The following CLIC2 variants were observed in gnomAD, a reference collection of about 807,000 sequenced individuals.
The protein encoded by CLIC2 is CLIC family member 2.
CLIC2 carries 9 observed loss-of-function variants against 14.8 expected under a neutral mutation model. That is an observed-to-expected ratio of 0.61 (90% CI 0.37 to 1.06). The LOEUF is 1.06. CLIC2 is among the 50% of genes least tolerant of loss of function. CLIC2 has a pLI of 0.01. For missense variants in CLIC2, 148 were observed against 181.4 expected (o/e 0.82, Z 1.06); for synonymous variants, 61 against 66.3 (o/e 0.92, Z 0.39).
At chrX:155,319,144 G>A (rs1557321327) in intron 1 of CLIC2, among the ~76,000 whole-genome samples, 1 of 111,936 alleles carries the variant, frequency 8.9e-6, no homozygotes, top group Non-Finnish European at 1.9e-5. Flanking sequence ...CTAGACATTG[G>A]TTTAGGCAAA....
Position 155,299,091 on chromosome X carries a change from T to C in CLIC2, c.112A>G (p.Met38Val). Residue 38 changes from methionine to valine, a missense_variant, in exon 2 of 6, where the codon ATG becomes GTG. Physicochemically the swap from Met to Val is conservative, Grantham distance 21. Coordinates refer to ENST00000369449, the MANE Select transcript of CLIC2 (RefSeq NM_001289.6). ...TTAACTCCTTTAAGCCAGAGGATCA[T>C]GAAAAGGCGTTGGCAAAAGGGACAG... is the stretch of plus-strand genomic sequence containing the variant. ...GNCPFCQRLF[M>V]ILWLKGVKFN... The C allele has an allele frequency of 8.3e-7, 1 of 1,210,826 alleles. No individual in the cohort carries two copies. The highest frequency in any genetic ancestry group is 1.1e-6 in the Non-Finnish European group (1 of 894,713).
At chrX:155,334,315 T>C (rs2075166782) in intron 1 of CLIC2, 56 bp downstream of exon 1, 2 of 931,283 alleles carry the variant, frequency 2.1e-6, no homozygotes, top group Non-Finnish European at 3.1e-6. Context: ...GACATTGGAC[T>C]TCAGTGTCAA....
chrX:155,324,210 A>C (rs1276836967), intron 1 of CLIC2, among the ~76,000 whole-genome samples: 1 of 112,505 alleles, frequency 8.9e-6, no homozygotes, highest in Non-Finnish European at 1.9e-5. Context: ...CTAAAACTTA[A>C]AGTATAATAA....
chrX:155,300,752 G>A lies in CLIC2; in HGVS notation c.58-1607C>T, dbSNP rs1184549102. 9.5e-3 allele frequency among the ~76,000 whole-genome samples: 900 copies of A among 94,322 alleles called. 3 individuals are homozygous for A. Among genetic ancestry groups the A allele is most frequent in the Non-Finnish European group, 0.016 (734 of 45,898 alleles). 81.9% of individuals were successfully genotyped at this position (94,322 alleles called of 115,157 possible). On this transcript the variant is annotated intron_variant, in intron 1 of 5. Coordinates refer to ENST00000369449, the MANE Select transcript of CLIC2 (RefSeq NM_001289.6). Reference sequence around the variant, plus strand: ...TTTAATCCATCTTGAATTGATTTTTGTATAAGGTGTAAGGAAGGGATCCAG... The same window carrying A: ...TTTAATCCATCTTGAATTGATTTTTATATAAGGTGTAAGGAAGGGATCCAG...
rs187111602 is a variant in CLIC2, at chrX:155,294,928, T to G, written c.293+3857A>C. 1.1e-4 allele frequency among the ~76,000 whole-genome samples: 12 copies of G among 111,523 alleles called. No individual in the cohort carries two copies. In the East Asian group the frequency reaches 2.2e-3, roughly 21 times the overall value. On this transcript the variant is annotated intron_variant, in intron 3 of 5. Coordinates refer to ENST00000369449, the MANE Select transcript of CLIC2 (RefSeq NM_001289.6). Reference sequence around the variant, plus strand: ...AAAGCACAGGACTGGACAAATTCACTGACAAATTCTACCAGAAGAACTAAT... The same window carrying G: ...AAAGCACAGGACTGGACAAATTCACGGACAAATTCTACCAGAAGAACTAAT...
intron 3 of CLIC2, among the ~76,000 whole-genome samples, chrX:155,284,793 C>T (rs901189062): frequency 8.9e-6 from 1 of 111,922 alleles, no homozygotes; most frequent in Non-Finnish European, 1.9e-5. Flanking sequence ...AAAATAAGGT[C>T]AATATCGCTT....
chrX:155,279,432 T>C, intron 4 of CLIC2, 102 bp from the exon 5 acceptor site: 1 of 593,757 alleles, frequency 1.7e-6, no homozygotes, highest in East Asian at 3.4e-5. Context: ...TATCTATACA[T>C]ACTACTTACA....
Position 155,305,039 on chromosome X carries a change from C to T in CLIC2, c.58-5894G>A, listed in dbSNP as rs781906536. Among the ~76,000 whole-genome samples the T allele has an allele frequency of 9.0e-4, 101 of 112,008 alleles. No homozygotes were observed. In the South Asian group the frequency reaches 0.022, roughly 24 times the overall value. On this transcript the variant is annotated intron_variant, in intron 1 of 5. Transcript: ENST00000369449. ...AGGTTACTGCTGTCTTTTTGTTTGT[C>T]TATGCCCTGCCCCCAGAGGTGGAGC...
At chrX:155,315,914 G>A (rs1387046220) in intron 1 of CLIC2, among the ~76,000 whole-genome samples, 4 of 111,719 alleles carry the variant, frequency 3.6e-5, no homozygotes, top group African/African-American at 9.8e-5. Flanking sequence ...TAAGGTAAAG[G>A]AAAAAGATAT....
chrX:155,290,593 A>G, intron 3 of CLIC2: 1 of 657,077 alleles, frequency 1.5e-6, no homozygotes, highest in Non-Finnish European at 2.6e-6. Flanking sequence ...CTTATACTGC[A>G]TGTGTATCTG....
chrX:155,307,023 C>A (rs1043405445), intron 1 of CLIC2, among the ~76,000 whole-genome samples: 2 of 111,614 alleles, frequency 1.8e-5, no homozygotes, highest in Non-Finnish European at 3.8e-5. Flanking sequence ...GACCCTCTTT[C>A]TTCACTTACT....
chrX:155,325,770 AT>A lies in CLIC2; in HGVS notation c.57+8600del, dbSNP rs1557322260. On this transcript the variant is annotated intron_variant, in intron 1 of 5. Coordinates refer to ENST00000369449, the MANE Select transcript of CLIC2 (RefSeq NM_001289.6). ...ATAAAAAAGAAAATGTGATATATAT[AT>A]ATATATATATATATATATATATATA... Among the ~76,000 whole-genome samples, 47 of 44,835 alleles carry A rather than the reference AT, an allele frequency of 1.0e-3. No individual in the cohort carries two copies. In the East Asian group the frequency reaches 0.039, roughly 37 times the overall value. 38.9% of individuals were successfully genotyped at this position (44,835 alleles called of 115,157 possible). A position where few individuals can be genotyped will look rare whatever the true frequency, so the allele number is the denominator to read the frequency against.
intron 3 of CLIC2, among the ~76,000 whole-genome samples, chrX:155,294,445 A>G (rs1412466633): frequency 4.5e-5 from 5 of 112,158 alleles, no homozygotes; most frequent in Non-Finnish European, 9.4e-5. Flanking sequence ...CCTACATGAA[A>G]AAAGTAGGAA....
At chrX:155,304,800 A>G (rs1441218830) in intron 1 of CLIC2, among the ~76,000 whole-genome samples, 1 of 75,371 alleles carries the variant, frequency 1.3e-5, no homozygotes, top group East Asian at 4.6e-4. Flanking sequence ...CTTCTAACAG[A>G]CAGGACCCTC....
intron 1 of CLIC2, among the ~76,000 whole-genome samples, chrX:155,299,692 C>G (rs1397324257): frequency 1.9e-5 from 2 of 105,949 alleles, no homozygotes; most frequent in Non-Finnish European, 3.9e-5. Context: ...CGTCATCTAG[C>G]ATTAGGTATA....
At chrX:155,331,883 A>G (rs782398774) in intron 1 of CLIC2, among the ~76,000 whole-genome samples, 1 of 111,496 alleles carries the variant, frequency 9.0e-6, no homozygotes, top group South Asian at 3.7e-4. Context: ...CTCAGAGTAG[A>G]GTATCATCTC....
chrX:155,284,254 A>ATTTT (rs781838836), intron 3 of CLIC2, among the ~76,000 whole-genome samples: 4 of 92,654 alleles, frequency 4.3e-5, no homozygotes, highest in East Asian at 3.5e-4. Flanking sequence ...TCTCCCTGGG[A>ATTTT]TTTTTTTTTT....
chrX:155,288,417 G>A (rs2074950809), intron 3 of CLIC2, among the ~76,000 whole-genome samples: 1 of 111,916 alleles, frequency 8.9e-6, no homozygotes, highest in Non-Finnish European at 1.9e-5. Context: ...ATTCTGGAAT[G>A]TCCATTTACT....
At chrX:155,292,721 G>GC (rs2074977502) in intron 3 of CLIC2, 1 of 392,829 alleles carries the variant, frequency 2.5e-6, no homozygotes, top group African/African-American at 2.7e-5. Context: ...AGTGAGCCGA[G>GC]ATCGCGCCAC....
Sources: allele counts gnomAD v4.1 joint callset (sites outside exome capture counted in the v4.1 genomes callset), GRCh38; gene constraint gnomAD v4.1.1; transcripts MANE v1.5; gene names NCBI Gene and HGNC (gene_info 2026-07-23, HGNC 2026-07-21).